Variants in CAMK2D observed in about 807,000 individuals in gnomAD.
The protein encoded by CAMK2D is calcium/calmodulin-dependent protein kinase type II subunit delta.
In CAMK2D, 37 loss-of-function variants were observed where a neutral mutation model predicts 84.0. The observed-to-expected ratio is 0.44, with a 90% CI of 0.34 to 0.58. CAMK2D has a LOEUF of 0.58. Among genes scored for constraint, CAMK2D ranks in the 20% least tolerant of loss-of-function variants. The pLI is 0.02. For synonymous variants in CAMK2D, 202 were observed against 212.5 expected (o/e 0.95, Z 0.43); for missense variants, 448 against 652.5 (o/e 0.69, Z 3.41).
At chr4:113,466,299 T>C (rs931096616) in intron 16 of CAMK2D, among the ~76,000 whole-genome samples, 4 of 151,244 alleles carry the variant, frequency 2.6e-5, no homozygotes, top group African/African-American at 9.7e-5. Context: ...TAAAATAAAA[T>C]AAAATAAAAT....
At chr4:113,664,484 G>A (rs2099249979) in intron 2 of CAMK2D, among the ~76,000 whole-genome samples, 1 of 152,132 alleles carries the variant, frequency 6.6e-6, no homozygotes, top group Admixed American at 6.5e-5. Context: ...CATAGTTGTT[G>A]GCAGTACTCA....
At chr4:113,746,977 A>AATATATATAT (rs148764047) in intron 2 of CAMK2D, among the ~76,000 whole-genome samples, 38 of 145,638 alleles carry the variant, frequency 2.6e-4, no homozygotes, top group African/African-American at 9.1e-4. Context: ...TACCATTAAT[A>AATATATATAT]ATATATATAT....
chr4:113,685,956 C>T (rs1461619942), intron 2 of CAMK2D, among the ~76,000 whole-genome samples: 6 of 151,648 alleles, frequency 4.0e-5, no homozygotes, highest in African/African-American at 1.5e-4. Flanking sequence ...CCCAGCTACT[C>T]GGGAGGCTGA....
At chr4:113,584,991 T>C (rs945887172) in intron 4 of CAMK2D, among the ~76,000 whole-genome samples, 4 of 152,196 alleles carry the variant, frequency 2.6e-5, no homozygotes, top group Non-Finnish European at 5.9e-5. Context: ...CCCCTGCTGT[T>C]TATCCGGGTC....
chr4:113,687,390 C>A, intron 2 of CAMK2D, among the ~76,000 whole-genome samples: 1 of 152,036 alleles, frequency 6.6e-6, no homozygotes, highest in East Asian at 1.9e-4. Flanking sequence ...GGTCACAAAC[C>A]CTCTTCTTAA....
At chr4:113,592,574 A>C (rs2098895144) in intron 4 of CAMK2D, among the ~76,000 whole-genome samples, 1 of 152,228 alleles carries the variant, frequency 6.6e-6, no homozygotes, top group Non-Finnish European at 1.5e-5. Flanking sequence ...AGAGGTAGTA[A>C]ATCTCTTTAA....
At chr4:113,464,242 C>A (rs2097429237) in intron 17 of CAMK2D, among the ~76,000 whole-genome samples, 1 of 152,102 alleles carries the variant, frequency 6.6e-6, no homozygotes, top group African/African-American at 2.4e-5. Flanking sequence ...ATGAATATGC[C>A]TTTACTAGTT....
intron 16 of CAMK2D, among the ~76,000 whole-genome samples, chr4:113,480,836 T>A (rs2097692891): frequency 6.6e-6 from 1 of 151,570 alleles, no homozygotes; most frequent in Non-Finnish European, 1.5e-5. Flanking sequence ...GTGAGACTCC[T>A]CTTCAAAAAC....
At chr4:113,462,926 C>G (rs1406801014) in intron 17 of CAMK2D, among the ~76,000 whole-genome samples, 1 of 152,026 alleles carries the variant, frequency 6.6e-6, no homozygotes, top group Non-Finnish European at 1.5e-5. Context: ...GATATAACAG[C>G]AACAAGAATT....
chr4:113,580,889 A>AT (rs1328491561), intron 4 of CAMK2D, among the ~76,000 whole-genome samples: 6 of 139,722 alleles, frequency 4.3e-5, no homozygotes, highest in Non-Finnish European at 7.7e-5. Context: ...TTTTTTAAAT[A>AT]TATCAGTCAT....
intron 2 of CAMK2D, among the ~76,000 whole-genome samples, chr4:113,708,820 G>C (rs1286557316): frequency 6.6e-6 from 1 of 152,094 alleles, no homozygotes; most frequent in African/African-American, 2.4e-5. Flanking sequence ...CGCCTCCCGG[G>C]TTCAAGCAAT....
At chr4:113,572,602 G>C (rs28594672) in intron 4 of CAMK2D, among the ~76,000 whole-genome samples, 5,961 of 152,244 alleles carry the variant, frequency 0.039, 397 homozygotes, top group African/African-American at 0.13. Flanking sequence ...ACACCAGTCA[G>C]AATGGCTATT....
intron 2 of CAMK2D, among the ~76,000 whole-genome samples, chr4:113,706,874 C>A (rs2099459559): frequency 6.6e-6 from 1 of 152,090 alleles, no homozygotes; most frequent in African/African-American, 2.4e-5. Context: ...AGAAAGAAAG[C>A]ATTTTTAACA....
At chr4:113,578,035 G>A (rs1397959619) in intron 4 of CAMK2D, among the ~76,000 whole-genome samples, 1 of 152,154 alleles carries the variant, frequency 6.6e-6, no homozygotes, top group Non-Finnish European at 1.5e-5. Flanking sequence ...GAATCTGGCT[G>A]AGTATTGGTA....
Position 113,761,033 on chromosome 4 carries a change from G to A in CAMK2D, c.36C>T (p.Asp12=). ...ASTTTCTRFT[D]EYQLFEELGK... ...CAAGCTCCTCGAAAAGCTGATACTCGTCCGTGAACCTGGTGCAGGTTGTGG... is the reference window on the plus strand; with the variant it reads ...CAAGCTCCTCGAAAAGCTGATACTCATCCGTGAACCTGGTGCAGGTTGTGG... The change falls in exon 1 of 21, where the codon GAC becomes GAT. Residue 12 remains aspartate, a synonymous_variant. Coordinates refer to ENST00000511664, the MANE Select transcript of CAMK2D (RefSeq NM_001321571.2). 1 of 1,614,200 alleles carries A rather than the reference G, an allele frequency of 6.2e-7. No homozygotes were observed. Among genetic ancestry groups the A allele is most frequent in the Non-Finnish European group, 8.5e-7 (1 of 1,180,036 alleles).
chr4:113,620,955 G>C lies in CAMK2D; in HGVS notation c.221-11749C>G, dbSNP rs150806006. Among the ~76,000 whole-genome samples the C allele has an allele frequency of 1.7e-3, 259 of 152,048 alleles. 2 individuals carry two copies. The highest frequency in any genetic ancestry group is 0.014 in the Middle Eastern group (4 of 292). On this transcript the variant is annotated intron_variant, in intron 3 of 20. Coordinates refer to ENST00000511664, the MANE Select transcript of CAMK2D (RefSeq NM_001321571.2). ...ACATATTTTTTATTTTTTGGAGACA[G>C]AGTCTTGCTCTGTTACCCAGGCTGG...
chr4:113,631,353 T>C (rs917316286), intron 3 of CAMK2D, among the ~76,000 whole-genome samples: 1 of 152,134 alleles, frequency 6.6e-6, no homozygotes, highest in Non-Finnish European at 1.5e-5. Flanking sequence ...TCTCCATTTT[T>C]TAAAAATTAA....
At chr4:113,662,406 AATATTCTTCTTT>A (rs1276289518) in intron 2 of CAMK2D, among the ~76,000 whole-genome samples, 1 of 152,200 alleles carries the variant, frequency 6.6e-6, no homozygotes, top group Admixed American at 6.5e-5. Flanking sequence ...GAATTATCTT[AATATTCTTCTTT>A]GATTTTTTGG....
chr4:113,498,041 T>C (rs2097966151), intron 16 of CAMK2D, among the ~76,000 whole-genome samples: 3 of 152,234 alleles, frequency 2.0e-5, no homozygotes, highest in African/African-American at 7.2e-5. Context: ...GGTCAGATTA[T>C]TTAACTGATA....
Sources: allele counts gnomAD v4.1 joint callset (sites outside exome capture counted in the v4.1 genomes callset), GRCh38; gene constraint gnomAD v4.1.1; transcripts MANE v1.5; gene names NCBI Gene and HGNC (gene_info 2026-07-23, HGNC 2026-07-21).